MICAL3: variants seen among roughly 807,000 people sequenced by gnomAD.
MICAL3 encodes the protein [F-actin]-monooxygenase MICAL3.
MICAL3 carries 62 observed loss-of-function variants against 207.4 expected under a neutral mutation model. The observed-to-expected ratio is 0.30, with a 90% CI of 0.24 to 0.37. The LOEUF is 0.37. MICAL3 is among the 10% of genes least tolerant of loss of function. The pLI, the probability that MICAL3 is intolerant of heterozygous loss-of-function variation, is 1.00. For synonymous variants in MICAL3, 1,077 were observed against 1,069.3 expected (o/e 1.01, Z -0.14); for missense variants, 2,368 against 2,635.6 (o/e 0.90, Z 2.22).
At chr22:17,842,059 C>T (rs760632994) in intron 19 of MICAL3, 42 bp from the exon 20 acceptor site, 10 of 1,563,360 alleles carry the variant, frequency 6.4e-6, no homozygotes, top group African/African-American at 1.3e-5. Context: ...GGTCCAACCA[C>T]AGACGGGGCG....
intron 16 of MICAL3, among the ~76,000 whole-genome samples, chr22:17,877,040 G>A (rs62643861): frequency 5.9e-4 from 55 of 93,856 alleles, no homozygotes; most frequent in African/African-American, 9.0e-4. Context: ...AGGTTAGGGA[G>A]GTTATGGAGG....
At chr22:17,833,514 A>G (rs915429212) in intron 20 of MICAL3, among the ~76,000 whole-genome samples, 3 of 152,208 alleles carry the variant, frequency 2.0e-5, no homozygotes, top group African/African-American at 7.2e-5. Flanking sequence ...CACGATGAGC[A>G]CTGAGGGGCA....
At position 17,971,523 on chromosome 22, in the gene MICAL3, TGCATTCATCTA is replaced by T. The variant is rs764187044; in HGVS notation, c.-75+52747_-75+52757del. ...ACCTCATCATTCATCTAGCATTGACTGCATTCATCTAGCATTCATCTAGCATTCATCTAGCA... is the reference window on the plus strand; with the variant it reads ...ACCTCATCATTCATCTAGCATTGACTGCATTCATCTAGCATTCATCTAGCA... On this transcript the variant is annotated intron_variant, in intron 1 of 31. Coordinates refer to ENST00000441493, the MANE Select transcript of MICAL3 (RefSeq NM_015241.3). Among the ~76,000 whole-genome samples the T allele has an allele frequency of 3.0e-3, 449 of 152,202 alleles. 2 individuals carry two copies. The highest frequency in any genetic ancestry group is 8.5e-3 in the African/African-American group (353 of 41,544).
At chr22:17,950,788 G>A (rs1310788676) in intron 1 of MICAL3, among the ~76,000 whole-genome samples, 2 of 152,190 alleles carry the variant, frequency 1.3e-5, no homozygotes, top group African/African-American at 4.8e-5. Context: ...ATCTGAAGAA[G>A]AGTCACACTC....
chr22:17,829,531 C>T (rs561857259), intron 21 of MICAL3, among the ~76,000 whole-genome samples: 1 of 152,308 alleles, frequency 6.6e-6, no homozygotes, highest in Non-Finnish European at 1.5e-5. Context: ...ACCTAACAGC[C>T]TGGATGCACA....
chr22:18,018,507 C>T (rs1024470770), intron 1 of MICAL3, among the ~76,000 whole-genome samples: 27 of 151,708 alleles, frequency 1.8e-4, no homozygotes, highest in Non-Finnish European at 4.4e-5. Context: ...GTGGATCACC[C>T]GAGGTCAGGA....
At chr22:17,971,196 G>A (rs1935398422) in intron 1 of MICAL3, among the ~76,000 whole-genome samples, 1 of 151,728 alleles carries the variant, frequency 6.6e-6, no homozygotes, top group Non-Finnish European at 1.5e-5. Context: ...GGGGGGGGCT[G>A]GGCGCTCATG....
chr22:17,795,080 G>A (rs540372108), intron 29 of MICAL3, among the ~76,000 whole-genome samples: 4 of 152,318 alleles, frequency 2.6e-5, no homozygotes, highest in South Asian at 2.1e-4. Context: ...CCAGCGTGGC[G>A]TACCTTGGGC....
chr22:17,791,100 G>T, intron 30 of MICAL3, 29 bp from the exon 31 acceptor site: 1 of 1,608,586 alleles, frequency 6.2e-7, no homozygotes, highest in Middle Eastern at 1.7e-4. Flanking sequence ...AGGGAGACAA[G>T]CCACAGTGAC....
chr22:17,984,300 C>T (rs934204879), intron 1 of MICAL3, among the ~76,000 whole-genome samples: 3 of 152,214 alleles, frequency 2.0e-5, no homozygotes, highest in Admixed American at 2.0e-4. Flanking sequence ...ACTAACATTC[C>T]CCAACCACCT....
chr22:17,987,528 T>A (rs1458954213), intron 1 of MICAL3, among the ~76,000 whole-genome samples: 1 of 152,196 alleles, frequency 6.6e-6, no homozygotes, highest in East Asian at 1.9e-4. Flanking sequence ...CTAGCATGCG[T>A]GCTGGGGAAC....
chr22:17,798,951 G>GCA (rs2061908223), intron 29 of MICAL3, among the ~76,000 whole-genome samples: 2 of 152,156 alleles, frequency 1.3e-5, no homozygotes, highest in Non-Finnish European at 2.9e-5. Flanking sequence ...GGGATTACAG[G>GCA]TGGGAGCCAC....
At chr22:17,996,134 T>TAAA (rs35369164) in intron 1 of MICAL3, among the ~76,000 whole-genome samples, 12 of 93,596 alleles carry the variant, frequency 1.3e-4, no homozygotes, top group African/African-American at 2.2e-4. Flanking sequence ...TGTCTCAATT[T>TAAA]AAAAAAAAAA....
intron 19 of MICAL3, chr22:17,860,581 G>C: frequency 3.0e-6 from 3 of 985,496 alleles, no homozygotes; most frequent in Non-Finnish European, 3.6e-6. Flanking sequence ...GTGTCTTGCA[G>C]AAAAGAGCTG....
At chr22:17,996,756 AACCACATCCCC>A (rs1359419991) in intron 1 of MICAL3, among the ~76,000 whole-genome samples, 2 of 152,162 alleles carry the variant, frequency 1.3e-5, no homozygotes, top group Admixed American at 1.3e-4. Flanking sequence ...TAAATTTCTG[AACCACATCCCC>A]ACCACGCCCA....
chr22:17,927,205 T>C (rs140726306), intron 1 of MICAL3, among the ~76,000 whole-genome samples: 68 of 152,314 alleles, frequency 4.5e-4, no homozygotes, highest in Admixed American at 2.4e-3. Flanking sequence ...GTCTGGCTTA[T>C]TTCACTTAGT....
intron 16 of MICAL3, among the ~76,000 whole-genome samples, chr22:17,875,820 C>T (rs559317430): frequency 6.4e-4 from 97 of 152,246 alleles, no homozygotes; most frequent in African/African-American, 1.9e-3. Context: ...GTGGGCCGCC[C>T]GGCACAGCCT....
Position 17,865,660 on chromosome 22 carries a change from T to TAG in MICAL3, c.2517+263_2517+264insCT, listed in dbSNP as rs1197256706. Among the ~76,000 whole-genome samples the TAG allele has an allele frequency of 3.9e-5, 6 of 152,240 alleles. No homozygotes were observed. In the East Asian group the frequency reaches 1.2e-3, roughly 29 times the overall value. On this transcript the variant is annotated intron_variant, in intron 18 of 31. Coordinates refer to ENST00000441493, the MANE Select transcript of MICAL3 (RefSeq NM_015241.3). ...ATGTGTGTTGACGAAGGCAGATGTC[T>TAG]ACGCAGCTGAGATGGAGAGCTGCAT...
chr22:17,835,470 T>C (rs1326783986), intron 20 of MICAL3, among the ~76,000 whole-genome samples: 1 of 152,252 alleles, frequency 6.6e-6, no homozygotes, highest in African/African-American at 2.4e-5. Flanking sequence ...GCCCAGGTCC[T>C]GTGCGTCACA....
Sources: gnomAD v4.1 joint callset for allele counts (sites outside exome capture counted in the v4.1 genomes callset) on GRCh38, gnomAD v4.1.1 for gene constraint, MANE v1.5 for transcripts, NCBI Gene and HGNC (gene_info 2026-07-23, HGNC 2026-07-21) for gene names.